RGL1: variants seen among roughly 807,000 people sequenced by gnomAD.
The protein encoded by RGL1 is ral guanine nucleotide dissociation stimulator like 1.
RGL1 carries 24 observed loss-of-function variants against 95.2 expected under a neutral mutation model. That is an observed-to-expected ratio of 0.25 (90% confidence interval 0.18 to 0.35). The LOEUF (loss-of-function observed/expected upper bound fraction) is 0.35. RGL1 is among the 10% of genes least tolerant of loss of function. The probability of loss-of-function intolerance (pLI) is 1.00; values close to 1 mark genes in which losing one functional copy is unlikely to be tolerated. For synonymous variants in RGL1, 329 were observed against 344.9 expected (o/e 0.95, Z 0.51); for missense variants, 715 against 936.3 (o/e 0.76, Z 3.08).
chr1:183,843,699 G>C (rs1162336576), intron 2 of RGL1, among the ~76,000 whole-genome samples: 1 of 152,174 alleles, frequency 6.6e-6, no homozygotes, highest in Non-Finnish European at 1.5e-5. Context: ...GTTTGGTAAG[G>C]GAACACTGTT....
At chr1:183,785,726 C>G (rs1000016091) in intron 2 of RGL1, among the ~76,000 whole-genome samples, 1 of 152,142 alleles carries the variant, frequency 6.6e-6, no homozygotes, top group Non-Finnish European at 1.5e-5. Context: ...TCATCAAGAA[C>G]GTAATTTGTG....
At chr1:183,877,695 C>G (rs765077747) in intron 4 of RGL1, among the ~76,000 whole-genome samples, 1 of 152,176 alleles carries the variant, frequency 6.6e-6, no homozygotes, top group Non-Finnish European at 1.5e-5. Flanking sequence ...TTTTTTCTGG[C>G]TGATTGAGTA....
At chr1:183,691,683 A>T (rs1653953520) in intron 1 of RGL1, among the ~76,000 whole-genome samples, 1 of 152,218 alleles carries the variant, frequency 6.6e-6, no homozygotes. Context: ...TAGGTATATA[A>T]ACCTCAATTA....
intron 1 of RGL1, among the ~76,000 whole-genome samples, chr1:183,714,412 C>T (rs1193418836): frequency 1.3e-5 from 2 of 152,200 alleles, no homozygotes; most frequent in African/African-American, 4.8e-5. Flanking sequence ...TCTATTCTAG[C>T]TTTGCCAGCA....
chr1:183,841,064 A>C (rs1322857055), intron 2 of RGL1, among the ~76,000 whole-genome samples: 1 of 152,108 alleles, frequency 6.6e-6, no homozygotes, highest in Non-Finnish European at 1.5e-5. Flanking sequence ...TGTTTCCTTC[A>C]CCAGACTGAA....
intron 4 of RGL1, among the ~76,000 whole-genome samples, chr1:183,872,765 A>G (rs1453592908): frequency 6.6e-6 from 1 of 152,228 alleles, no homozygotes; most frequent in Non-Finnish European, 1.5e-5. Flanking sequence ...GTTTGCAATC[A>G]ATATTCATTC....
At chr1:183,684,739 T>C (rs767061547) in intron 1 of RGL1, among the ~76,000 whole-genome samples, 1 of 152,230 alleles carries the variant, frequency 6.6e-6, no homozygotes, top group Non-Finnish European at 1.5e-5. Flanking sequence ...GGGAATCTCC[T>C]GGTCTGTGGG....
intron 1 of RGL1, among the ~76,000 whole-genome samples, chr1:183,692,311 C>G (rs1031637305): frequency 2.0e-5 from 3 of 152,206 alleles, no homozygotes; most frequent in African/African-American, 7.2e-5. Flanking sequence ...GAACAAATTA[C>G]TTGGAGGATC....
intron 2 of RGL1, among the ~76,000 whole-genome samples, chr1:183,754,267 T>A (rs1375920472): frequency 1.3e-5 from 2 of 152,200 alleles, no homozygotes; most frequent in Non-Finnish European, 2.9e-5. Flanking sequence ...TTTTAGGGTC[T>A]CAGTTTTATG....
chr1:183,790,502 T>C (rs1219179778), intron 2 of RGL1, among the ~76,000 whole-genome samples: 1 of 152,164 alleles, frequency 6.6e-6, no homozygotes, highest in African/African-American at 2.4e-5. Flanking sequence ...TCAAGCCTTC[T>C]CAAGTGGGAA....
At chr1:183,796,858 G>A (rs1381730635) in intron 2 of RGL1, among the ~76,000 whole-genome samples, 1 of 152,176 alleles carries the variant, frequency 6.6e-6, no homozygotes, top group African/African-American at 2.4e-5. Context: ...TTTCTGAGTT[G>A]ATGGTTGTAT....
intron 3 of RGL1, among the ~76,000 whole-genome samples, chr1:183,863,479 G>C (rs1010729087): frequency 6.6e-6 from 1 of 151,944 alleles, no homozygotes; most frequent in Non-Finnish European, 1.5e-5. Context: ...TTTTATGGGA[G>C]GGTTTTGAGT....
At chr1:183,837,829 G>A (rs1006655050) in intron 2 of RGL1, among the ~76,000 whole-genome samples, 4 of 152,172 alleles carry the variant, frequency 2.6e-5, no homozygotes, top group African/African-American at 9.7e-5. Context: ...CAGATCATCA[G>A]GCATTAGTTA....
At chr1:183,920,220 A>C (rs1669236196) in intron 16 of RGL1, among the ~76,000 whole-genome samples, 1 of 152,034 alleles carries the variant, frequency 6.6e-6, no homozygotes, top group Admixed American at 6.6e-5. Context: ...TATTTTTATT[A>C]GAGACGGGGT....
At chr1:183,676,072 A>G (rs1652809672) in intron 1 of RGL1, among the ~76,000 whole-genome samples, 1 of 152,182 alleles carries the variant, frequency 6.6e-6, no homozygotes, top group Non-Finnish European at 1.5e-5. Context: ...GCTTGAGCCC[A>G]GAAGGTCAAG....
At chr1:183,717,496 T>C (rs552415931) in intron 1 of RGL1, among the ~76,000 whole-genome samples, 1 of 152,360 alleles carries the variant, frequency 6.6e-6, no homozygotes, top group Non-Finnish European at 1.5e-5. Flanking sequence ...CCACTCATAA[T>C]TGAGAATACA....
chr1:183,690,731 T>TA (rs34672729), intron 1 of RGL1, among the ~76,000 whole-genome samples: 2,076 of 148,464 alleles, frequency 0.014, 47 homozygotes, highest in African/African-American at 0.048. Context: ...GAGGTACTTA[T>TA]AAAAAAAAAA....
intron 2 of RGL1, among the ~76,000 whole-genome samples, chr1:183,818,227 G>A (rs1449656540): frequency 6.6e-6 from 1 of 152,116 alleles, no homozygotes; most frequent in African/African-American, 2.4e-5. Flanking sequence ...TGGCAAAAGA[G>A]TTTTAAAAGG....
At chr1:183,891,143 TTTTC>T (rs1435517609) in intron 8 of RGL1, among the ~76,000 whole-genome samples, 2 of 152,164 alleles carry the variant, frequency 1.3e-5, no homozygotes, top group Non-Finnish European at 2.9e-5. Flanking sequence ...AGCTTAATGG[TTTTC>T]TTTATTATTT....
Sources: allele counts gnomAD v4.1 joint callset (sites outside exome capture counted in the v4.1 genomes callset), GRCh38; gene constraint gnomAD v4.1.1; transcripts MANE v1.5; gene names NCBI Gene and HGNC (gene_info 2026-07-23, HGNC 2026-07-21).